Variants in CIB3 observed in about 807,000 individuals in gnomAD.
CIB3 encodes calcium and integrin binding family member 3.
Under a neutral mutation model 23.4 loss-of-function variants are expected in CIB3, and 22 were observed. The ratio of observed to expected loss-of-function variants is 0.94; its 90% CI spans 0.67 to 1.34. The LOEUF is 1.34. Ranked by LOEUF, CIB3 falls within the 40% of genes most tolerant of loss-of-function variation. CIB3 has a pLI of 0.00. For synonymous variants in CIB3, 93 were observed against 95.8 expected, an observed-to-expected ratio of 0.97 and a Z score of 0.17; for missense variants, 258 against 247.3, an observed-to-expected ratio of 1.04 and a Z score of -0.29.
chr19:16,170,169 A>G (rs2091322265), intron 2 of CIB3, among the ~76,000 whole-genome samples: 1 of 152,158 alleles, frequency 6.6e-6, no homozygotes. Context: ...AAGAACACTC[A>G]GCCCTGGGCC....
intron 4 of CIB3, among the ~76,000 whole-genome samples, chr19:16,166,892 C>G (rs1439332139): frequency 6.6e-6 from 1 of 152,138 alleles, no homozygotes; most frequent in Non-Finnish European, 1.5e-5. Context: ...CCAGCCTGGC[C>G]AACATGGTGA....
chr19:16,173,203 A>T lies in CIB3; in HGVS notation c.52-7T>A, dbSNP rs2091337458. The T allele has an allele frequency of 1.2e-6, 2 of 1,613,784 alleles. No individual in the cohort carries two copies. Among genetic ancestry groups the T allele is most frequent in the Non-Finnish European group, 1.7e-6 (2 of 1,179,954 alleles). ...TTGTGAAAAATGTGCAGTCCTGTGG[A>T]GAGAGGTGTTGTCTTAACCCGAACC... On this transcript the variant is annotated splice_region_variant and splice_polypyrimidine_tract_variant and intron_variant, in intron 1 of 5. Transcript: ENST00000269878.
At chr19:16,167,119 G>T (rs535731269) in intron 4 of CIB3, among the ~76,000 whole-genome samples, 2 of 152,120 alleles carry the variant, frequency 1.3e-5, no homozygotes, top group Non-Finnish European at 2.9e-5. Flanking sequence ...TACTCAGCAG[G>T]CTGAGGCAGG....
intron 4 of CIB3, 151 bp from the exon 5 acceptor site, chr19:16,165,064 AG>A: frequency 1.5e-6 from 1 of 655,754 alleles, no homozygotes; most frequent in Non-Finnish European, 2.7e-6. Context: ...GAGGCTGAGG[AG>A]GGTGGAACAC....
At chr19:16,168,387 A>C (rs2091314558) in intron 3 of CIB3, 103 bp from the exon 4 acceptor site, 3 of 1,464,854 alleles carry the variant, frequency 2.0e-6, no homozygotes, top group Non-Finnish European at 2.8e-6. Context: ...ACCTCCAAGT[A>C]CCCTCCATCA....
chr19:16,167,433 C>G (rs1599435670), intron 4 of CIB3, among the ~76,000 whole-genome samples: 1 of 152,006 alleles, frequency 6.6e-6, no homozygotes, highest in Non-Finnish European at 1.5e-5. Context: ...GGTCAAGGAA[C>G]AAGAAATTAA....
At chr19:16,170,982 T>C (rs2091325690) in intron 2 of CIB3, among the ~76,000 whole-genome samples, 1 of 150,902 alleles carries the variant, frequency 6.6e-6, no homozygotes. Context: ...ACTAAAAATA[T>C]AAAAATTTAG....
chr19:16,167,231 A>AAAC (rs1555720165), intron 4 of CIB3, among the ~76,000 whole-genome samples: 2 of 150,014 alleles, frequency 1.3e-5, no homozygotes, highest in Non-Finnish European at 3.0e-5. Context: ...ACAAAAAAAA[A>AAAC]ACACACACAC....
At chr19:16,165,219 G>T (rs2091301106) in intron 4 of CIB3, among the ~76,000 whole-genome samples, 1 of 150,106 alleles carries the variant, frequency 6.7e-6, no homozygotes, top group Non-Finnish European at 1.5e-5. Flanking sequence ...CTTGAGCCCG[G>T]GAGGTGGAGG....
chr19:16,168,157 T>C lies in CIB3; in HGVS notation c.326A>G (p.Tyr109Cys). ...SEMAPRDLKA[Y>C]YAFKIYDFNN... ...CGCACCATAAATTTTAAAAGCATAGTAAGCCTTGAGGTCGCGGGGAGCCAT... is the reference window on the plus strand; with the variant it reads ...CGCACCATAAATTTTAAAAGCATAGCAAGCCTTGAGGTCGCGGGGAGCCAT... Residue 109 changes from tyrosine to cysteine, a missense_variant, in exon 4 of 6, where the codon TAC becomes TGC. Tyr to Cys is a radical substitution (Grantham distance 194). Transcript: ENST00000269878. 1 of 1,610,040 alleles carries C rather than the reference T, an allele frequency of 6.2e-7. No homozygotes were observed.
chr19:16,164,798 A>T lies in CIB3; in HGVS notation c.462T>A (p.Asp154Glu), dbSNP rs141006582. The T allele has an allele frequency of 6.2e-7, 1 of 1,614,018 alleles. No individual in the cohort carries two copies. The highest frequency in any genetic ancestry group is 2.2e-5 in the East Asian group (1 of 44,860). ...EVSLVCEKVL[D>E]EADGDHDGRL... is the part of the protein sequence containing the mutation. Reference sequence around the variant, plus strand: ...GCCCATCATGGTCTCCATCAGCCTCATCCAGCACCTTCTCACATACCAGGC... The same window carrying T: ...GCCCATCATGGTCTCCATCAGCCTCTTCCAGCACCTTCTCACATACCAGGC... The change falls in exon 5 of 6, where the codon GAT (aspartate) becomes GAA (glutamate). Residue 154 changes from aspartate to glutamate, a missense_variant. Physicochemically the swap from Asp to Glu is conservative, Grantham distance 45. Transcript: ENST00000269878.
Position 16,173,164 on chromosome 19 carries a change from C to T in CIB3, c.84G>A (p.Met28Ile), listed in dbSNP as rs1467492579. The T allele has an allele frequency of 3.1e-6, 5 of 1,613,924 alleles. No individual in the cohort carries two copies. Residue 28 changes from methionine to isoleucine, a missense_variant and splice_region_variant, in exon 2 of 6, where the codon ATG becomes ATA. Physicochemically the swap from Met to Ile is conservative, Grantham distance 10. Coordinates refer to ENST00000269878, the MANE Select transcript of CIB3 (RefSeq NM_054113.4). ...DCTFFTRKEI[M>I]RLFYRYQDLA... The stretch of plus-strand genomic sequence containing the variant: ...TCTCCCTTCCTCCCTGGACTGACCT[C>T]ATGATCTCCTTCCTTGTGAAAAATG...
chr19:16,172,893 A>G (rs113674067), intron 2 of CIB3, among the ~76,000 whole-genome samples: 6,653 of 151,312 alleles, frequency 0.044, 525 homozygotes, highest in African/African-American at 0.15. Context: ...TCGAGCCTGC[A>G]ATGAGCCATG....
intron 3 of CIB3, among the ~76,000 whole-genome samples, chr19:16,168,745 TG>T (rs1299030456): frequency 1.3e-5 from 2 of 152,108 alleles, no homozygotes; most frequent in African/African-American, 4.8e-5. Context: ...AACCTCTTCC[TG>T]GGAGGAGCCG....
intron 4 of CIB3, among the ~76,000 whole-genome samples, chr19:16,166,919 A>C (rs2091308106): frequency 6.6e-6 from 1 of 152,262 alleles, no homozygotes; most frequent in African/African-American, 2.4e-5. Flanking sequence ...ATCTTTACTA[A>C]AAATACAAAA....
At position 16,173,417 on chromosome 19, in the gene CIB3, C is replaced by G; in HGVS notation, c.51+8G>C. On this transcript the variant is annotated splice_region_variant and intron_variant, in intron 1 of 5. Coordinates refer to ENST00000269878, the MANE Select transcript of CIB3 (RefSeq NM_054113.4). ...AACCCACTGAGGACCCATCCTGCCC[C>G]CCTCTACCTGATACGCTTCCAGCTG... 1.2e-6 allele frequency: 2 copies of G among 1,613,300 alleles called. No individual in the cohort carries two copies. Among genetic ancestry groups the G allele is most frequent in the Non-Finnish European group, 8.5e-7 (1 of 1,179,270 alleles).
At chr19:16,166,767 T>A (rs1268974955) in intron 4 of CIB3, among the ~76,000 whole-genome samples, 2 of 152,196 alleles carry the variant, frequency 1.3e-5, no homozygotes, top group Non-Finnish European at 2.9e-5. Flanking sequence ...GATAACTATT[T>A]TTCATGTACT....
At chr19:16,163,966 T>A (rs191290144) in intron 5 of CIB3, among the ~76,000 whole-genome samples, 152 of 148,046 alleles carry the variant, frequency 1.0e-3, no homozygotes, top group Non-Finnish European at 1.4e-3. Flanking sequence ...TAAAAAAAAA[T>A]TTTTAATGTG....
intron 2 of CIB3, among the ~76,000 whole-genome samples, chr19:16,171,448 C>G (rs1437128962): frequency 6.6e-6 from 1 of 152,088 alleles, no homozygotes; most frequent in East Asian, 1.9e-4. Flanking sequence ...GGGACTGTCT[C>G]TGAGAGAGAC....
Sources: gnomAD v4.1 joint callset for allele counts (sites outside exome capture counted in the v4.1 genomes callset) on GRCh38, gnomAD v4.1.1 for gene constraint, MANE v1.5 for transcripts, NCBI Gene and HGNC (gene_info 2026-07-23, HGNC 2026-07-21) for gene names.